The following DPY19L4 variants were observed in gnomAD, a reference collection of about 807,000 sequenced individuals.
DPY19L4 encodes dpy-19 like 4.
In DPY19L4, 97 loss-of-function variants were observed where a neutral mutation model predicts 102.8. The ratio of observed to expected loss-of-function variants is 0.94; its 90% confidence interval spans 0.80 to 1.12. The LOEUF (loss-of-function observed/expected upper bound fraction) is 1.12, where lower values mean the gene tolerates loss of function less well. DPY19L4 is among the 50% of genes most tolerant of loss of function. DPY19L4 has a pLI of 0.00. For synonymous variants in DPY19L4, 252 were observed against 283.1 expected (o/e 0.89, Z 1.10); for missense variants, 815 against 850.4 (o/e 0.96, Z 0.52).
At chr8:94,768,269 G>A in intron 11 of DPY19L4, 126 bp from the exon 12 acceptor site, 1 of 685,294 alleles carries the variant, frequency 1.5e-6, no homozygotes, top group Non-Finnish European at 2.4e-6. Flanking sequence ...ATAGTACCTT[G>A]CTAATATAAG....
chr8:94,739,795 G>C lies in DPY19L4; in HGVS notation c.611+5G>C. The C allele has an allele frequency of 1.2e-6, 2 of 1,610,740 alleles. No homozygotes were observed. Among genetic ancestry groups the C allele is most frequent in the Non-Finnish European group, 1.7e-6 (2 of 1,179,664 alleles). ...TGCGTGGTTCGTTATTAACAGGTAA[G>C]AAAGCTGTTTTAATTGATTTTTAAA... is the stretch of plus-strand genomic sequence containing the variant. On this transcript the variant is annotated splice_donor_5th_base_variant and intron_variant, in intron 6 of 18. Coordinates refer to ENST00000414645, the MANE Select transcript of DPY19L4 (RefSeq NM_181787.3).
intron 16 of DPY19L4, among the ~76,000 whole-genome samples, chr8:94,782,666 TA>T (rs1813484116): frequency 6.6e-6 from 1 of 152,012 alleles, no homozygotes; most frequent in South Asian, 2.1e-4. Flanking sequence ...TCTAGAAATT[TA>T]AAATTGGTTT....
At chr8:94,789,012 G>T (rs1019789221) in intron 18 of DPY19L4, among the ~76,000 whole-genome samples, 2 of 152,124 alleles carry the variant, frequency 1.3e-5, no homozygotes, top group African/African-American at 2.4e-5. Context: ...GTACTTAGTG[G>T]CTGTGATCTT....
chr8:94,752,585 CAAAAA>C (rs370640228), intron 6 of DPY19L4, among the ~76,000 whole-genome samples: 99 of 80,170 alleles, frequency 1.2e-3, no homozygotes, highest in African/African-American at 3.5e-3. Context: ...GACTCCATCT[CAAAAA>C]AAAAAAAAAA....
chr8:94,765,602 C>A, intron 9 of DPY19L4, 109 bp from the exon 10 acceptor site: 1 of 889,218 alleles, frequency 1.1e-6, no homozygotes, highest in Non-Finnish European at 1.8e-6. Context: ...TCCCAAAGTG[C>A]TGGGATTACA....
chr8:94,758,219 C>T (rs561508783), intron 7 of DPY19L4, among the ~76,000 whole-genome samples: 166 of 151,684 alleles, frequency 1.1e-3, no homozygotes, highest in South Asian at 2.1e-3. Context: ...GACTGGAGTG[C>T]GGTGGCGTGA....
In DPY19L4 at chr8:94,739,474, G is replaced by A. The variant is rs755567758; in HGVS notation, c.405G>A (p.Gln135=). ...CTCTGAAGACTATAAATGCAGTGCA[G>A]CAAATGTCTCTGTATCCGGAACTTA... ...TVSLKTINAV[Q]QMSLYPELIA... is the part of the protein sequence containing the mutation. Residue 135 remains glutamine, a synonymous_variant, in exon 5 of 19, where the codon CAG becomes CAA. Coordinates refer to ENST00000414645, the MANE Select transcript of DPY19L4 (RefSeq NM_181787.3). 6.2e-7 allele frequency: 1 copy of A among 1,609,166 alleles called. No homozygotes were observed. Among genetic ancestry groups the A allele is most frequent in the Admixed American group, 1.7e-5 (1 of 58,682 alleles).
intron 2 of DPY19L4, among the ~76,000 whole-genome samples, chr8:94,733,037 C>T (rs941218198): frequency 6.7e-6 from 1 of 148,998 alleles, no homozygotes; most frequent in Non-Finnish European, 1.5e-5. Context: ...TGGTTTCAAA[C>T]TCATGAGCTC....
intron 6 of DPY19L4, among the ~76,000 whole-genome samples, chr8:94,746,318 C>T (rs1811673159): frequency 6.6e-6 from 1 of 151,970 alleles, no homozygotes; most frequent in Admixed American, 6.6e-5. Context: ...GCCTTGGCCT[C>T]CCAAAGTGCT....
At chr8:94,726,092 A>G (rs922453974) in intron 1 of DPY19L4, among the ~76,000 whole-genome samples, 4 of 152,218 alleles carry the variant, frequency 2.6e-5, no homozygotes, top group African/African-American at 9.6e-5. Flanking sequence ...TTGGGAGAAG[A>G]GCACATTGGT....
At chr8:94,745,374 T>C (rs1811628751) in intron 6 of DPY19L4, among the ~76,000 whole-genome samples, 1 of 152,182 alleles carries the variant, frequency 6.6e-6, no homozygotes, top group Non-Finnish European at 1.5e-5. Context: ...AATACATACC[T>C]AGGTTTCACT....
chr8:94,750,443 A>C (rs6990721), intron 6 of DPY19L4, among the ~76,000 whole-genome samples: 6,164 of 152,274 alleles, frequency 0.04, 330 homozygotes, highest in African/African-American at 0.12. Context: ...ATTAGAAAAG[A>C]GCTAAGATTT....
chr8:94,749,933 C>T (rs1181981671), intron 6 of DPY19L4, among the ~76,000 whole-genome samples: 1 of 152,118 alleles, frequency 6.6e-6, no homozygotes, highest in African/African-American at 2.4e-5. Flanking sequence ...TCAATAATTA[C>T]TATATAAAAA....
chr8:94,773,994 C>T (rs2130911679), intron 13 of DPY19L4, among the ~76,000 whole-genome samples: 1 of 147,094 alleles, frequency 6.8e-6, no homozygotes, highest in South Asian at 2.2e-4. Flanking sequence ...ATGATCACAC[C>T]ACTGCACTCC....
At chr8:94,749,610 G>C (rs1265306522) in intron 6 of DPY19L4, among the ~76,000 whole-genome samples, 1 of 151,806 alleles carries the variant, frequency 6.6e-6, no homozygotes, top group African/African-American at 2.4e-5. Flanking sequence ...AAGAAAAGAG[G>C]AAGTTAGTGA....
chr8:94,770,687 C>A, intron 13 of DPY19L4, 116 bp downstream of exon 13: 1 of 1,346,758 alleles, frequency 7.4e-7, no homozygotes, highest in Admixed American at 2.1e-5. Context: ...CACCTGAGTT[C>A]AGGAGTTTGA....
Position 94,789,792 on chromosome 8 carries a change from G to T in DPY19L4, c.2054G>T (p.Arg685Leu), listed in dbSNP as rs149041883. 163 of 1,610,982 alleles carry T rather than the reference G, an allele frequency of 1.0e-4. No individual in the cohort carries two copies. Among genetic ancestry groups the T allele is most frequent in the Middle Eastern group, 1.0e-3 (6 of 5,936 alleles). ...GDKLTYSKYG[R>L]FCHEVKINYS... The stretch of plus-strand genomic sequence containing the variant: ...AAGCTAACCTACTCAAAATATGGGC[G>T]ATTTTGTCATGAGGTCAAAATTAAC... Residue 685 changes from arginine (R) to leucine (L), a missense_variant, in exon 19 of 19, where the codon CGA becomes CTA. Transcript: ENST00000414645.
chr8:94,790,935 A>G lies in DPY19L4; in HGVS notation c.*1025A>G, dbSNP rs1813863303. 1 of 152,138 alleles carries G rather than the reference A, an allele frequency of 6.6e-6. No homozygotes were observed. The highest frequency in any genetic ancestry group is 2.1e-4 in the South Asian group (1 of 4,832). 9.4% of individuals were successfully genotyped at this position (152,138 alleles called of 1,614,324 possible). A position where few individuals can be genotyped will look rare whatever the true frequency, so the allele number is the denominator to read the frequency against. On this transcript the variant is annotated 3_prime_UTR_variant, in exon 19 of 19. Transcript: ENST00000414645. The stretch of plus-strand genomic sequence containing the variant: ...TCTTCAACATCAAGAAAAAATGACA[A>G]CTATAATAAAATTTACAACACAGTT...
intron 6 of DPY19L4, among the ~76,000 whole-genome samples, chr8:94,749,337 G>A (rs1175157304): frequency 6.6e-6 from 1 of 152,164 alleles, no homozygotes; most frequent in Non-Finnish European, 1.5e-5. Flanking sequence ...GGAGTTCAAT[G>A]TTGCAAAGAA....
Sources: gnomAD v4.1 joint callset for allele counts (sites outside exome capture counted in the v4.1 genomes callset) on GRCh38, gnomAD v4.1.1 for gene constraint, MANE v1.5 for transcripts, NCBI Gene and HGNC (gene_info 2026-07-23, HGNC 2026-07-21) for gene names.